The following DNAJC1 variants were observed in gnomAD, a reference collection of about 807,000 sequenced individuals.
DNAJC1 encodes DnaJ heat shock protein family (Hsp40) member C1.
In DNAJC1, 58 loss-of-function variants were observed where a neutral mutation model predicts 76.6. The ratio of observed to expected loss-of-function variants is 0.76; its 90% CI spans 0.61 to 0.94. The LOEUF is 0.94. Among genes scored for constraint, DNAJC1 ranks in the 40% least tolerant of loss-of-function variants. The probability of loss-of-function intolerance (pLI) is 0.00; values close to 1 mark genes in which losing one functional copy is unlikely to be tolerated. For missense variants in DNAJC1, 689 were observed against 677.3 expected, an observed-to-expected ratio of 1.02 and a Z score of -0.19; for synonymous variants, 258 against 267.9, an observed-to-expected ratio of 0.96 and a Z score of 0.36.
chr10:21,968,059 G>A (rs2131825322), intron 1 of DNAJC1, among the ~76,000 whole-genome samples: 1 of 152,202 alleles, frequency 6.6e-6, no homozygotes. Context: ...ACAGATATTT[G>A]AATAGTTTTA....
intron 1 of DNAJC1, among the ~76,000 whole-genome samples, chr10:21,941,023 G>T (rs1219384570): frequency 4.6e-5 from 7 of 150,816 alleles, no homozygotes; most frequent in African/African-American, 1.7e-4. Flanking sequence ...AGGCCAAGGC[G>T]GGCGGATCAC....
chr10:21,854,055 T>C (rs960037703), intron 8 of DNAJC1, among the ~76,000 whole-genome samples: 4 of 151,968 alleles, frequency 2.6e-5, no homozygotes, highest in Non-Finnish European at 4.4e-5. Context: ...TCAGTCTAAT[T>C]CACCAACTCA....
rs187794768 is a variant in DNAJC1 at position 21,886,981 on chromosome 10, T to C, written c.821-4542A>G. ...TGTTTGCAATTGACATGATTCTATATCTAGAAAACCCCATAGTTTCGGCCC... is the reference window on the plus strand; with the variant it reads ...TGTTTGCAATTGACATGATTCTATACCTAGAAAACCCCATAGTTTCGGCCC... On this transcript the variant is annotated intron_variant, in intron 7 of 11. Transcript: ENST00000376980. Among the ~76,000 whole-genome samples, 561 of 152,234 alleles carry C rather than the reference T, an allele frequency of 3.7e-3. 18 individuals are homozygous for C. The highest frequency in any genetic ancestry group is 8.5e-4 in the Non-Finnish European group (58 of 68,004).
chr10:21,980,394 C>T (rs1170602695), intron 1 of DNAJC1, among the ~76,000 whole-genome samples: 3 of 152,054 alleles, frequency 2.0e-5, no homozygotes, highest in Admixed American at 6.6e-5. Flanking sequence ...AAAGGGCACA[C>T]CACTTCCATA....
chr10:21,966,138 G>A (rs762282523), intron 1 of DNAJC1, among the ~76,000 whole-genome samples: 1 of 152,068 alleles, frequency 6.6e-6, no homozygotes, highest in Non-Finnish European at 1.5e-5. Context: ...TTTAGGTTAC[G>A]CTTTTTTGGG....
At chr10:21,964,710 T>C (rs1490167155) in intron 1 of DNAJC1, among the ~76,000 whole-genome samples, 1 of 141,320 alleles carries the variant, frequency 7.1e-6, no homozygotes, top group African/African-American at 2.6e-5. Flanking sequence ...GTCTGTTGGT[T>C]TTTTTTTTTT....
At chr10:21,905,111 C>A (rs1246070658) in intron 6 of DNAJC1, among the ~76,000 whole-genome samples, 1 of 151,962 alleles carries the variant, frequency 6.6e-6, no homozygotes, top group African/African-American at 2.4e-5. Flanking sequence ...CCTTTTACCA[C>A]CCTTAGAGAC....
chr10:21,782,694 T>C (rs1045416530), intron 9 of DNAJC1, among the ~76,000 whole-genome samples: 13 of 152,152 alleles, frequency 8.5e-5, no homozygotes, highest in African/African-American at 3.1e-4. Context: ...ATCAAAAAGC[T>C]TATCCACCAT....
At chr10:21,845,852 G>C (rs1172299410) in intron 8 of DNAJC1, among the ~76,000 whole-genome samples, 1 of 151,956 alleles carries the variant, frequency 6.6e-6, no homozygotes, top group African/African-American at 2.4e-5. Context: ...TATATTCTTG[G>C]TAATATGCCC....
In DNAJC1 at chr10:21,988,019, C is replaced by A. The variant is rs550451169; in HGVS notation, c.222+15194G>T. On this transcript the variant is annotated intron_variant, in intron 1 of 11. Transcript: ENST00000376980. ...TATGTAGTTTTCACATATATTACTACTGATTTCACAGCACACCAAGAATGT... is the reference window on the plus strand; with the variant it reads ...TATGTAGTTTTCACATATATTACTAATGATTTCACAGCACACCAAGAATGT... Among the ~76,000 whole-genome samples the A allele has an allele frequency of 1.1e-3, 165 of 152,194 alleles. No homozygotes were observed. In the Middle Eastern group the frequency reaches 0.014, roughly 13 times the overall value.
intron 6 of DNAJC1, among the ~76,000 whole-genome samples, chr10:21,907,593 T>A (rs1439042396): frequency 6.6e-6 from 1 of 152,128 alleles, no homozygotes; most frequent in Non-Finnish European, 1.5e-5. Flanking sequence ...ACTTCATAAC[T>A]ACCATACAAT....
intron 4 of DNAJC1, 73 bp from the exon 5 acceptor site, chr10:21,920,002 G>A: frequency 1.1e-6 from 1 of 934,198 alleles, no homozygotes; most frequent in Non-Finnish European, 1.6e-6. Flanking sequence ...AGGCTCTTCT[G>A]TGAAGGGTAA....
chr10:21,934,373 T>C (rs1276145802), intron 1 of DNAJC1, among the ~76,000 whole-genome samples: 3 of 152,164 alleles, frequency 2.0e-5, no homozygotes, highest in South Asian at 4.1e-4. Flanking sequence ...TAGTAAGCTA[T>C]GGTTAATTTA....
chr10:21,903,626 C>G (rs1358702734), intron 7 of DNAJC1, among the ~76,000 whole-genome samples: 2 of 152,160 alleles, frequency 1.3e-5, no homozygotes, highest in African/African-American at 4.8e-5. Context: ...TGCCAGGACC[C>G]TGTTTGATGC....
At chr10:21,819,982 T>A (rs546585811) in intron 8 of DNAJC1, among the ~76,000 whole-genome samples, 62 of 152,282 alleles carry the variant, frequency 4.1e-4, no homozygotes, top group African/African-American at 1.4e-3. Context: ...ATTCACCTAT[T>A]TAAAGTGTAT....
chr10:21,846,354 A>G (rs1835658957), intron 8 of DNAJC1, among the ~76,000 whole-genome samples: 1 of 152,170 alleles, frequency 6.6e-6, no homozygotes, highest in South Asian at 2.1e-4. Flanking sequence ...TCTGCCAAAA[A>G]TCATTTAATA....
chr10:21,800,734 A>G (rs1197443887), intron 9 of DNAJC1, among the ~76,000 whole-genome samples: 1 of 152,352 alleles, frequency 6.6e-6, no homozygotes, highest in Admixed American at 6.5e-5. Context: ...AAGTCTCTAG[A>G]ATGATATACA....
intron 1 of DNAJC1, among the ~76,000 whole-genome samples, chr10:21,947,317 AT>A (rs1414267674): frequency 2.0e-5 from 3 of 152,078 alleles, no homozygotes; most frequent in Admixed American, 2.0e-4. Context: ...TTATATTCAG[AT>A]TTTTTTCAAT....
chr10:21,824,096 G>C (rs1835203540), intron 8 of DNAJC1, among the ~76,000 whole-genome samples: 1 of 152,160 alleles, frequency 6.6e-6, no homozygotes, highest in African/African-American at 2.4e-5. Context: ...TTAGCAGAAT[G>C]AATGACAGAA....
Sources: gnomAD v4.1 joint callset for allele counts (sites outside exome capture counted in the v4.1 genomes callset) on GRCh38, gnomAD v4.1.1 for gene constraint, MANE v1.5 for transcripts, NCBI Gene and HGNC (gene_info 2026-07-23, HGNC 2026-07-21) for gene names.